Variants in VAV3 observed in about 807,000 individuals in gnomAD.
VAV3 encodes guanine nucleotide exchange factor VAV3.
In VAV3, 94 loss-of-function variants were observed where a neutral mutation model predicts 131.2. The ratio of observed to expected loss-of-function variants is 0.72; its 90% CI spans 0.61 to 0.85. The LOEUF (loss-of-function observed/expected upper bound fraction) is 0.85. Among genes scored for constraint, VAV3 ranks in the 40% least tolerant of loss-of-function variants. The pLI is 0.00. For synonymous variants in VAV3, 349 were observed against 342.0 expected (o/e 1.02, Z -0.22); for missense variants, 939 against 1,002.7 (o/e 0.94, Z 0.86).
chr1:107,751,801 A>C (rs111333369), intron 12 of VAV3, among the ~76,000 whole-genome samples: 1 of 152,206 alleles, frequency 6.6e-6, no homozygotes, highest in African/African-American at 2.4e-5. Flanking sequence ...CTGATAACTA[A>C]ATTATTTTTA....
chr1:107,606,958 C>T (rs371481327), intron 22 of VAV3, among the ~76,000 whole-genome samples: 2 of 144,536 alleles, frequency 1.4e-5, no homozygotes, highest in Non-Finnish European at 3.0e-5. Flanking sequence ...GGAGTCTGAT[C>T]TTTTTTTTTT....
At chr1:107,819,483 C>T (rs1488507362) in intron 2 of VAV3, among the ~76,000 whole-genome samples, 1 of 145,898 alleles carries the variant, frequency 6.9e-6, no homozygotes, top group African/African-American at 2.5e-5. Flanking sequence ...GACCAGCCTG[C>T]ACAACATAAC....
At chr1:107,838,325 C>T (rs1668561941) in intron 2 of VAV3, among the ~76,000 whole-genome samples, 1 of 152,154 alleles carries the variant, frequency 6.6e-6, no homozygotes, top group South Asian at 2.1e-4. Context: ...CAAAAGAGAA[C>T]ACACAAGTCT....
chr1:107,786,466 C>A (rs146597676), intron 2 of VAV3, among the ~76,000 whole-genome samples: 2 of 152,134 alleles, frequency 1.3e-5, no homozygotes, highest in South Asian at 2.1e-4. Context: ...CCCTTACCTA[C>A]GAAATTACAA....
At chr1:107,626,510 C>G (rs142536339) in intron 20 of VAV3, among the ~76,000 whole-genome samples, 142 of 152,308 alleles carry the variant, frequency 9.3e-4, no homozygotes, top group African/African-American at 3.2e-3. Context: ...TCTACACTTT[C>G]ACATAGCTTT....
chr1:107,777,200 G>T (rs1235685498), intron 4 of VAV3, 31 bp downstream of exon 4: 1 of 1,597,390 alleles, frequency 6.3e-7, no homozygotes, highest in South Asian at 1.1e-5. Context: ...AATTGGCAGT[G>T]GCTAAATTTT....
intron 24 of VAV3, among the ~76,000 whole-genome samples, chr1:107,596,754 C>T (rs969599398): frequency 1.3e-5 from 2 of 152,186 alleles, no homozygotes; most frequent in African/African-American, 4.8e-5. Flanking sequence ...CTTTCCTGCA[C>T]TTATTTTCTT....
intron 1 of VAV3, among the ~76,000 whole-genome samples, chr1:107,932,391 T>C (rs1037385617): frequency 9.9e-5 from 15 of 151,968 alleles, no homozygotes; most frequent in Admixed American, 5.2e-4. Flanking sequence ...TTAGTTTGCA[T>C]GAACAAAACC....
intron 20 of VAV3, among the ~76,000 whole-genome samples, chr1:107,624,417 A>ATGTGT (rs1557712295): frequency 2.8e-5 from 4 of 140,678 alleles, no homozygotes; most frequent in African/African-American, 7.8e-5. Context: ...TGTGTGTGAA[A>ATGTGT]GAAACAAGAG....
chr1:107,879,554 GT>G (rs777120055), intron 1 of VAV3, among the ~76,000 whole-genome samples: 14 of 150,952 alleles, frequency 9.3e-5, no homozygotes, highest in South Asian at 2.1e-4. Context: ...TTACTTGAGT[GT>G]TTTTTTTTCC....
At chr1:107,649,347 C>T (rs997591815) in intron 19 of VAV3, among the ~76,000 whole-genome samples, 2 of 152,078 alleles carry the variant, frequency 1.3e-5, no homozygotes, top group African/African-American at 2.4e-5. Context: ...AGGAGCAGCA[C>T]TCATTGAAGA....
chr1:107,738,107 A>G (rs965544139), intron 15 of VAV3, among the ~76,000 whole-genome samples: 2 of 152,236 alleles, frequency 1.3e-5, no homozygotes, highest in Non-Finnish European at 2.9e-5. Flanking sequence ...TTGCAAGGAC[A>G]GAACACCAAA....
At chr1:107,948,350 T>C (rs1197176957) in intron 1 of VAV3, among the ~76,000 whole-genome samples, 1 of 152,068 alleles carries the variant, frequency 6.6e-6, no homozygotes, top group Non-Finnish European at 1.5e-5. Flanking sequence ...AGAATAAACA[T>C]GATTTAAACT....
At chr1:107,580,610 C>T (rs1649975543) in intron 25 of VAV3, among the ~76,000 whole-genome samples, 1 of 152,098 alleles carries the variant, frequency 6.6e-6, no homozygotes, top group African/African-American at 2.4e-5. Context: ...CACACTGTAG[C>T]GTGACTTATT....
intron 2 of VAV3, among the ~76,000 whole-genome samples, chr1:107,781,151 C>T (rs555836515): frequency 4.9e-4 from 75 of 152,192 alleles, no homozygotes; most frequent in African/African-American, 1.7e-3. Flanking sequence ...AGCCCTGACT[C>T]ACAAGTTTTC....
In VAV3 at chr1:107,755,443, A is replaced by G; in HGVS notation, c.1157T>C (p.Leu386Pro). Residue 386 changes from leucine (L) to proline (P), a missense_variant, in exon 12 of 27, where the codon CTA (leucine) becomes CCA (proline). Leu to Pro is a moderately conservative substitution (Grantham distance 98). Transcript: ENST00000370056. ...ETLREIKQFQ[L>P]SIENLNQPVL... ...ATTACATACCAAATTCTCTATAGAT[A>G]GCTGAAACTGTTTAATTTCACGAAG... 6.2e-7 allele frequency: 1 copy of G among 1,612,584 alleles called. No individual in the cohort carries two copies. The highest frequency in any genetic ancestry group is 1.1e-5 in the South Asian group (1 of 91,012).
chr1:107,906,651 G>A lies in VAV3; in HGVS notation c.205-31634C>T, dbSNP rs140878573. 1.3e-3 allele frequency among the ~76,000 whole-genome samples: 202 copies of A among 151,970 alleles called. 1 individual carries two copies. The highest frequency in any genetic ancestry group is 4.5e-3 in the African/African-American group (188 of 41,440). ...ACTGCACTCCAGCCTGGGTGACAAA[G>A]CAAGACTCCATTTCAAAAAAATTAA... On this transcript the variant is annotated intron_variant, in intron 1 of 26. Coordinates refer to ENST00000370056, the MANE Select transcript of VAV3 (RefSeq NM_006113.5).
At chr1:107,669,182 C>A in intron 19 of VAV3, 1 of 1,116,262 alleles carries the variant, frequency 9.0e-7, no homozygotes, top group Non-Finnish European at 1.1e-6. Flanking sequence ...TCCTGCTATT[C>A]CACTCTGCTC....
chr1:107,957,881 T>TAAA (rs11413288), intron 1 of VAV3, among the ~76,000 whole-genome samples: 9 of 142,256 alleles, frequency 6.3e-5, no homozygotes, highest in African/African-American at 2.3e-4. Flanking sequence ...TTCTCCATCT[T>TAAA]AAAAAAAAAA....
Sources: gnomAD v4.1 joint callset for allele counts (sites outside exome capture counted in the v4.1 genomes callset) on GRCh38, gnomAD v4.1.1 for gene constraint, MANE v1.5 for transcripts, NCBI Gene and HGNC (gene_info 2026-07-23, HGNC 2026-07-21) for gene names.